CCT2: variants seen among roughly 807,000 people sequenced by gnomAD.
CCT2 encodes the protein T-complex protein 1 subunit beta.
CCT2 carries 18 observed loss-of-function variants against 61.8 expected under a neutral mutation model. The ratio of observed to expected loss-of-function variants is 0.29; its 90% confidence interval spans 0.20 to 0.43. The LOEUF (loss-of-function observed/expected upper bound fraction) is 0.43, where lower values mean the gene tolerates loss of function less well. CCT2 is among the 20% of genes least tolerant of loss of function. The pLI is 1.00. For missense variants in CCT2, 556 were observed against 656.9 expected, an observed-to-expected ratio of 0.85 and a Z score of 1.68; for synonymous variants, 248 against 215.9, an observed-to-expected ratio of 1.15 and a Z score of -1.30.
chr12:69,586,245 A>C (rs1167043344), intron 1 of CCT2, 25 bp from the exon 2 acceptor site: 1 of 1,567,132 alleles, frequency 6.4e-7, no homozygotes, highest in Admixed American at 1.7e-5. Context: ...ACTTAAACGG[A>C]ATGCCTCTTG....
intron 10 of CCT2, among the ~76,000 whole-genome samples, chr12:69,594,395 A>T (rs1273337452): frequency 6.6e-6 from 1 of 152,226 alleles, no homozygotes; most frequent in Non-Finnish European, 1.5e-5. Flanking sequence ...TGTTAATTTT[A>T]AAAAATTTCT....
At chr12:69,591,974 T>C (rs1881847068) in intron 7 of CCT2, 85 bp from the exon 8 acceptor site, 1 of 720,332 alleles carries the variant, frequency 1.4e-6, no homozygotes, top group African/African-American at 2.3e-5. Context: ...GAAACAGTGA[T>C]ATGATAAAGC....
intron 12 of CCT2, 50 bp from the exon 13 acceptor site, chr12:69,597,918 C>G: frequency 1.3e-6 from 2 of 1,501,112 alleles, no homozygotes; most frequent in Non-Finnish European, 1.8e-6. Flanking sequence ...AATTCAGTAT[C>G]TTGGAGACAA....
chr12:69,597,855 T>A (rs915299353), intron 12 of CCT2, 89 bp downstream of exon 12: 1 of 1,416,436 alleles, frequency 7.1e-7, no homozygotes, highest in African/African-American at 1.5e-5. Flanking sequence ...TACAGAAATC[T>A]TATATTGCTT....
At chr12:69,592,395 A>G in intron 8 of CCT2, 1 of 236,210 alleles carries the variant, frequency 4.2e-6, no homozygotes, top group South Asian at 9.1e-5. Flanking sequence ...AGGCAGGAGA[A>G]TCACTTGAAC....
At chr12:69,589,772 C>A in intron 7 of CCT2, 85 bp downstream of exon 7, 2 of 1,086,004 alleles carry the variant, frequency 1.8e-6, no homozygotes, top group South Asian at 1.4e-5. Context: ...GACCAGTGAC[C>A]CTTTACAAAG....
intron 6 of CCT2, chr12:69,589,048 C>G (rs1881755888): frequency 6.1e-6 from 1 of 164,192 alleles, no homozygotes; most frequent in Non-Finnish European, 1.3e-5. Flanking sequence ...CTTGCCTCAG[C>G]CTCCCAAGTA....
chr12:69,588,499 G>A (rs1458803133), intron 6 of CCT2: 1 of 354,614 alleles, frequency 2.8e-6, no homozygotes, highest in Non-Finnish European at 5.1e-6. Flanking sequence ...GTATAATACT[G>A]TATAGAGAAT....
intron 6 of CCT2, among the ~76,000 whole-genome samples, chr12:69,588,903 A>C (rs1007136934): frequency 6.6e-6 from 1 of 152,104 alleles, no homozygotes; most frequent in East Asian, 1.9e-4. Flanking sequence ...CTGTATAATA[A>C]TACTTGTTTT....
chr12:69,587,839 C>A, intron 4 of CCT2, 91 bp from the exon 5 acceptor site: 3 of 1,052,462 alleles, frequency 2.9e-6, no homozygotes, highest in Non-Finnish European at 2.9e-6. Context: ...GAATGAGGAA[C>A]CCTGGTAAGT....
At chr12:69,597,469 GT>G in intron 11 of CCT2, among the ~76,000 whole-genome samples, 168 bp from the exon 12 acceptor site, 1 of 152,100 alleles carries the variant, frequency 6.6e-6, no homozygotes, top group Non-Finnish European at 1.5e-5. Flanking sequence ...ATGTTCAACA[GT>G]TTTTTTTCCT....
rs1450175281 is a variant in CCT2 at position 69,592,046 on chromosome 12, ATATT to A, written c.650-8_650-5del. 1.4e-6 allele frequency: 2 copies of A among 1,428,134 alleles called. No individual in the cohort carries two copies. Among genetic ancestry groups the A allele is most frequent in the African/African-American group, 1.4e-5 (1 of 71,154 alleles). 88.5% of individuals were successfully genotyped at this position (1,428,134 alleles called of 1,614,324 possible). On this transcript the variant is annotated splice_polypyrimidine_tract_variant and intron_variant, in intron 7 of 15. Coordinates refer to ENST00000299300, the MANE Select transcript of CCT2 (RefSeq NM_006431.3). ...AAGTATTAAATATGATACTGTTCTT[ATATT>A]TATTGTAGGCTTCCTGTTGGATAAA...
intron 2 of CCT2, 67 bp from the exon 3 acceptor site, chr12:69,586,686 A>G (rs1371178479): frequency 8.3e-6 from 10 of 1,205,770 alleles, no homozygotes; most frequent in Non-Finnish European, 1.2e-5. Context: ...AAAAAAGTAA[A>G]TAAAGATAAA....
chr12:69,598,574 T>G (rs1306792052), intron 14 of CCT2, among the ~76,000 whole-genome samples, 153 bp downstream of exon 14: 1 of 152,154 alleles, frequency 6.6e-6, no homozygotes, highest in Non-Finnish European at 1.5e-5. Context: ...TGGGAAAATG[T>G]GTGTGACTTT....
At chr12:69,592,821 G>A (rs909633039) in intron 8 of CCT2, 155 bp from the exon 9 acceptor site, 2 of 554,168 alleles carry the variant, frequency 3.6e-6, no homozygotes, top group Non-Finnish European at 6.1e-6. Flanking sequence ...CCAGCTGCTT[G>A]GAAGGCTGAG....
At chr12:69,589,218 C>T (rs1403250854) in intron 6 of CCT2, 2 of 466,864 alleles carry the variant, frequency 4.3e-6, no homozygotes, top group South Asian at 2.2e-5. Flanking sequence ...AGCCACTGTG[C>T]CCGGCCATTT....
At chr12:69,588,521 T>C (rs1881734910) in intron 6 of CCT2, 1 of 296,312 alleles carries the variant, frequency 3.4e-6, no homozygotes, top group African/African-American at 2.2e-5. Flanking sequence ...TGTTAGCCTC[T>C]TTTTAACCTA....
intron 7 of CCT2, among the ~76,000 whole-genome samples, chr12:69,590,374 A>G (rs1881798864): frequency 6.6e-6 from 1 of 152,182 alleles, no homozygotes; most frequent in African/African-American, 2.4e-5. Flanking sequence ...TCTTTAACAA[A>G]TAATTATGTA....
In CCT2 at chr12:69,592,167, A is replaced by G; in HGVS notation, c.750+8A>G. 6.9e-7 allele frequency: 1 copy of G among 1,457,610 alleles called. No individual in the cohort carries two copies. 90.3% of individuals were successfully genotyped at this position (1,457,610 alleles called of 1,614,324 possible). On this transcript the variant is annotated splice_region_variant and intron_variant, in intron 8 of 15. Coordinates refer to ENST00000299300, the MANE Select transcript of CCT2 (RefSeq NM_006431.3). The stretch of plus-strand genomic sequence containing the variant: ...GATACAGACAAAATAAAGGTATGTA[A>G]CTCTACTTTTTAAAAATTAAAATTA...
Sources: gnomAD v4.1 joint callset for allele counts (sites outside exome capture counted in the v4.1 genomes callset) on GRCh38, gnomAD v4.1.1 for gene constraint, MANE v1.5 for transcripts, NCBI Gene and HGNC (gene_info 2026-07-23, HGNC 2026-07-21) for gene names.